Variants in PTPRK observed in about 807,000 individuals in gnomAD.
PTPRK encodes the protein protein tyrosine phosphatase receptor type K, also known as receptor-type tyrosine-protein phosphatase kappa.
Under a neutral mutation model 178.0 loss-of-function variants are expected in PTPRK, and 75 were observed. That is an observed-to-expected ratio of 0.42 (90% confidence interval 0.35 to 0.51). PTPRK has a LOEUF of 0.51. Ranked by LOEUF, PTPRK falls within the 20% of genes least tolerant of loss-of-function variation. The probability of loss-of-function intolerance (pLI) is 0.02; values close to 1 mark genes in which losing one functional copy is unlikely to be tolerated. For missense variants in PTPRK, 1,441 were observed against 1,797.8 expected (o/e 0.80, Z 3.59); for synonymous variants, 637 against 620.6 (o/e 1.03, Z -0.39).
intron 3 of PTPRK, among the ~76,000 whole-genome samples, chr6:128,298,409 G>A (rs182075157): frequency 0.071 from 10,637 of 150,196 alleles, 472 homozygotes; most frequent in African/African-American, 0.085. Flanking sequence ...TACCAAAGCC[G>A]GGCAGAGACA....
At chr6:128,181,986 C>T (rs184351584) in intron 7 of PTPRK, among the ~76,000 whole-genome samples, 6 of 152,196 alleles carry the variant, frequency 3.9e-5, no homozygotes, top group Admixed American at 3.9e-4. Context: ...TGGTTTCTCT[C>T]AAATTTGCAG....
intron 13 of PTPRK, among the ~76,000 whole-genome samples, chr6:128,009,572 T>C (rs1778828728): frequency 6.6e-6 from 1 of 151,368 alleles, no homozygotes; most frequent in African/African-American, 2.4e-5. Flanking sequence ...TAAGGTTGTC[T>C]AGCAACTAGT....
chr6:128,173,342 A>C (rs1800582221), intron 7 of PTPRK, among the ~76,000 whole-genome samples: 1 of 152,052 alleles, frequency 6.6e-6, no homozygotes, highest in Non-Finnish European at 1.5e-5. Flanking sequence ...TAATCAGAAT[A>C]GTTCATGCAA....
chr6:128,223,061 T>C (rs189344199), intron 5 of PTPRK, among the ~76,000 whole-genome samples: 1 of 152,140 alleles, frequency 6.6e-6, no homozygotes, highest in Non-Finnish European at 1.5e-5. Context: ...GACTTTTCTA[T>C]CTTAAATCTT....
At chr6:128,506,530 C>T (rs886889560) in intron 1 of PTPRK, among the ~76,000 whole-genome samples, 11 of 151,686 alleles carry the variant, frequency 7.3e-5, no homozygotes, top group Non-Finnish European at 1.6e-4. Flanking sequence ...TATGGTGGCG[C>T]ACACCTGTGG....
At chr6:128,051,255 T>C (rs1442380864) in intron 13 of PTPRK, among the ~76,000 whole-genome samples, 1 of 152,216 alleles carries the variant, frequency 6.6e-6, no homozygotes, top group Non-Finnish European at 1.5e-5. Flanking sequence ...AAATAAAATA[T>C]GCTCCAGTCT....
chr6:128,402,679 C>T (rs1271649725), intron 1 of PTPRK, among the ~76,000 whole-genome samples: 3 of 152,032 alleles, frequency 2.0e-5, no homozygotes, highest in Non-Finnish European at 2.9e-5. Context: ...ACTGGCATAC[C>T]GTGATAAATA....
chr6:127,973,294 T>C, intron 28 of PTPRK, 137 bp from the exon 29 acceptor site: 1 of 1,391,446 alleles, frequency 7.2e-7, no homozygotes, highest in Non-Finnish European at 9.7e-7. Flanking sequence ...GCTTTATATG[T>C]GTACAAGGCA....
intron 3 of PTPRK, among the ~76,000 whole-genome samples, chr6:128,251,317 A>C (rs1816422526): frequency 6.6e-6 from 1 of 152,178 alleles, no homozygotes; most frequent in African/African-American, 2.4e-5. Context: ...GGGGGTTCTA[A>C]TTATATGCCA....
chr6:128,000,017 C>A, intron 15 of PTPRK: 2 of 946,346 alleles, frequency 2.1e-6, no homozygotes, highest in South Asian at 9.7e-5. Context: ...ACTTTAATGA[C>A]CGAAGTACTA....
rs529423720 is a variant in PTPRK at position 127,969,392 on chromosome 6, C to T, written c.*835G>A. Reference sequence around the variant, plus strand: ...CAAGGGATTTTACACAAATTTAATTCACAAGCATGTACACAAGAGAATCAC... The same window carrying T: ...CAAGGGATTTTACACAAATTTAATTTACAAGCATGTACACAAGAGAATCAC... On this transcript the variant is annotated 3_prime_UTR_variant, in exon 30 of 30. Coordinates refer to ENST00000368226, the MANE Select transcript of PTPRK (RefSeq NM_002844.4). The T allele has an allele frequency of 1.4e-4, 21 of 152,222 alleles. No homozygotes were observed. In the South Asian group the frequency reaches 3.1e-3, roughly 23 times the overall value. 9.4% of individuals were successfully genotyped at this position (152,222 alleles called of 1,614,324 possible).
chr6:128,442,294 T>A (rs1846379456), intron 1 of PTPRK, among the ~76,000 whole-genome samples: 1 of 152,160 alleles, frequency 6.6e-6, no homozygotes, highest in South Asian at 2.1e-4. Flanking sequence ...ATTGCCTACC[T>A]CCTTTTGCAG....
rs1297837491 is a variant in PTPRK, at chr6:128,191,015, AGAGT to A, written c.869-6294_869-6291del. 2.6e-5 allele frequency among the ~76,000 whole-genome samples: 4 copies of A among 152,308 alleles called. No homozygotes were observed. The East Asian group carries it at 5.8e-4, about 22-fold the overall frequency. On this transcript the variant is annotated intron_variant, in intron 6 of 29. Transcript: ENST00000368226. ...CATATAGCTATGATGAACTAAAGAA[AGAGT>A]GTGTACTGTGCCCCCATGCCTATGC... is the stretch of plus-strand genomic sequence containing the variant.
intron 8 of PTPRK, among the ~76,000 whole-genome samples, chr6:128,084,126 T>G: frequency 6.6e-6 from 1 of 152,124 alleles, no homozygotes; most frequent in East Asian, 1.9e-4. Flanking sequence ...TTTCCTCTGT[T>G]GTATACCTCT....
At chr6:128,138,472 A>C (rs1161503193) in intron 7 of PTPRK, among the ~76,000 whole-genome samples, 1 of 152,144 alleles carries the variant, frequency 6.6e-6, no homozygotes, top group Admixed American at 6.6e-5. Context: ...TTATTCAAGA[A>C]GGTCCAATGT....
At chr6:128,345,456 A>G (rs995168450) in intron 2 of PTPRK, among the ~76,000 whole-genome samples, 4 of 152,236 alleles carry the variant, frequency 2.6e-5, no homozygotes, top group African/African-American at 9.6e-5. Flanking sequence ...AAGACAAGTC[A>G]TCTTGCTGAT....
In PTPRK at chr6:128,218,962, T is replaced by C; in HGVS notation, c.828A>G (p.Arg276=). ...DLYRCVTQSE[R]GSGVSNFAQL... is the part of the protein sequence containing the mutation. ...GAGCAAAATTGGACACACCGGAACC[T>C]CGTTCTGACTGAGTTACACAGCGAT... Residue 276 remains arginine (R), a synonymous_variant, in exon 6 of 30, where the codon CGA becomes CGG. Coordinates refer to ENST00000368226, the MANE Select transcript of PTPRK (RefSeq NM_002844.4). 6.2e-7 allele frequency: 1 copy of C among 1,613,580 alleles called. No homozygotes were observed.
chr6:128,485,879 T>A (rs1239746249), intron 1 of PTPRK, among the ~76,000 whole-genome samples: 1 of 152,214 alleles, frequency 6.6e-6, no homozygotes, highest in Non-Finnish European at 1.5e-5. Context: ...ATCAGCGTCT[T>A]TCTTGAGTGA....
chr6:128,299,162 A>G (rs955008510), intron 3 of PTPRK, among the ~76,000 whole-genome samples: 21 of 152,318 alleles, frequency 1.4e-4, no homozygotes, highest in African/African-American at 4.8e-4. Context: ...CCAACTTACA[A>G]GGGACGTGAA....
Sources: allele counts gnomAD v4.1 joint callset (sites outside exome capture counted in the v4.1 genomes callset), GRCh38; gene constraint gnomAD v4.1.1; transcripts MANE v1.5; gene names NCBI Gene and HGNC (gene_info 2026-07-23, HGNC 2026-07-21).